Variants in MARK1 observed in about 807,000 individuals in gnomAD.
The protein encoded by MARK1 is microtubule affinity regulating kinase 1, also known as serine/threonine-protein kinase MARK1.
In MARK1, 40 loss-of-function variants were observed where a neutral mutation model predicts 96.3. The observed-to-expected ratio is 0.42, with a 90% CI of 0.32 to 0.54. The LOEUF (loss-of-function observed/expected upper bound fraction) is 0.54. Among genes scored for constraint, MARK1 ranks in the 20% least tolerant of loss-of-function variants. The pLI is 0.16. For synonymous variants in MARK1, 317 were observed against 341.2 expected (o/e 0.93, Z 0.78); for missense variants, 719 against 984.6 (o/e 0.73, Z 3.61).
intron 13 of MARK1, among the ~76,000 whole-genome samples, chr1:220,644,009 A>C (rs1572224647): frequency 6.6e-6 from 1 of 152,292 alleles, no homozygotes; most frequent in South Asian, 2.1e-4. Context: ...AACTACGTTA[A>C]CAAGTCTGCA....
intron 3 of MARK1, among the ~76,000 whole-genome samples, chr1:220,581,526 G>A (rs1388276466): frequency 2.0e-5 from 3 of 152,204 alleles, no homozygotes; most frequent in Middle Eastern, 3.4e-3. Flanking sequence ...ATGACAAATG[G>A]TGGTGACCTA....
intron 1 of MARK1, among the ~76,000 whole-genome samples, chr1:220,548,835 G>A (rs1472639599): frequency 1.3e-5 from 2 of 152,086 alleles, no homozygotes; most frequent in Non-Finnish European, 2.9e-5. Flanking sequence ...TTGCTGTAAC[G>A]TTTTTGTTCT....
chr1:220,595,630 A>G (rs1223260262), intron 3 of MARK1, among the ~76,000 whole-genome samples: 1 of 152,192 alleles, frequency 6.6e-6, no homozygotes, highest in Non-Finnish European at 1.5e-5. Context: ...TCTGGTAGCC[A>G]GTGTTCAAGA....
At chr1:220,605,121 AG>A (rs1665992059) in intron 6 of MARK1, among the ~76,000 whole-genome samples, 1 of 152,172 alleles carries the variant, frequency 6.6e-6, no homozygotes, top group Non-Finnish European at 1.5e-5. Context: ...CCTGAAAGGG[AG>A]GGGAGGAAAA....
At chr1:220,583,609 A>AT (rs755090667) in intron 3 of MARK1, among the ~76,000 whole-genome samples, 1 of 150,832 alleles carries the variant, frequency 6.6e-6, no homozygotes, top group Non-Finnish European at 1.5e-5. Flanking sequence ...AGAATAATGT[A>AT]TTTTAGAAGA....
At chr1:220,545,535 C>T (rs1661432157) in intron 1 of MARK1, among the ~76,000 whole-genome samples, 1 of 136,240 alleles carries the variant, frequency 7.3e-6, no homozygotes, top group Admixed American at 8.5e-5. Flanking sequence ...CTTCCGGGTT[C>T]AATCAATCCA....
intron 12 of MARK1, 30 bp from the exon 13 acceptor site, chr1:220,635,803 C>T: frequency 6.7e-7 from 1 of 1,500,152 alleles, no homozygotes; most frequent in Non-Finnish European, 9.0e-7. Flanking sequence ...TGTTTTTCAG[C>T]TCATTATGCT....
At chr1:220,607,899 G>A (rs1294899520) in intron 6 of MARK1, among the ~76,000 whole-genome samples, 1 of 152,192 alleles carries the variant, frequency 6.6e-6, no homozygotes, top group Non-Finnish European at 1.5e-5. Context: ...TCCCAGGGAT[G>A]AAGCTGACTG....
intron 16 of MARK1, among the ~76,000 whole-genome samples, chr1:220,655,733 C>G (rs1430886533): frequency 6.6e-6 from 1 of 152,202 alleles, no homozygotes; most frequent in Non-Finnish European, 1.5e-5. Flanking sequence ...TCTGTTTCAG[C>G]AGTGTCATGT....
At chr1:220,591,550 A>T (rs1218704770) in intron 3 of MARK1, among the ~76,000 whole-genome samples, 2 of 152,202 alleles carry the variant, frequency 1.3e-5, no homozygotes, top group Non-Finnish European at 2.9e-5. Context: ...ACTTCCTAGT[A>T]CACAGGAAAT....
intron 5 of MARK1, among the ~76,000 whole-genome samples, chr1:220,602,349 A>G (rs1285051639): frequency 6.6e-6 from 1 of 152,208 alleles, no homozygotes; most frequent in Non-Finnish European, 1.5e-5. Context: ...CATTTATAAA[A>G]TGCTTACCAT....
At position 220,618,956 on chromosome 1, in the gene MARK1, C is replaced by T. The variant is rs1316718346; in HGVS notation, c.909+201C>T. The stretch of plus-strand genomic sequence containing the variant: ...AGCTGTCTCTAAAAACTATTATTTC[C>T]TCTTTGTTCTGCAGTGCCGTATTAA... On this transcript the variant is annotated intron_variant, in intron 9 of 17. Transcript: ENST00000366917. This position sits in a 1 kb window ranked among gnomAD's most constrained non-coding sequence, Gnocchi z 4.6. Among the ~76,000 whole-genome samples, 2 of 152,048 alleles carry T rather than the reference C, an allele frequency of 1.3e-5. No homozygotes were observed. The highest frequency in any genetic ancestry group is 2.4e-5 in the African/African-American group (1 of 41,400).
intron 1 of MARK1, among the ~76,000 whole-genome samples, chr1:220,533,847 A>T (rs548027333): frequency 5.2e-4 from 79 of 152,268 alleles, no homozygotes; most frequent in African/African-American, 1.9e-3. Context: ...AGATGTGCGA[A>T]AATTTATCAT....
At chr1:220,660,387 T>C (rs1311388772) in intron 17 of MARK1, among the ~76,000 whole-genome samples, 1 of 152,208 alleles carries the variant, frequency 6.6e-6, no homozygotes, top group African/African-American at 2.4e-5. Context: ...TTGCAGAGCT[T>C]TGGGGACTCA....
Position 220,629,188 on chromosome 1 carries a change from C to T in MARK1, c.910-1847C>T, listed in dbSNP as rs903530163. 5.4e-4 allele frequency among the ~76,000 whole-genome samples: 82 copies of T among 152,072 alleles called. 1 individual carries two copies. The highest frequency in any genetic ancestry group is 2.0e-3 in the African/African-American group (81 of 41,488). ...AAGATGGAGAATGTACTTTACAGGA[C>T]CTGGAAAAAGCAATTAATATATCAG... is the stretch of plus-strand genomic sequence containing the variant. On this transcript the variant is annotated intron_variant, in intron 9 of 17. Coordinates refer to ENST00000366917, the MANE Select transcript of MARK1 (RefSeq NM_018650.5).
chr1:220,644,455 C>T, intron 13 of MARK1, among the ~76,000 whole-genome samples: 1 of 142,266 alleles, frequency 7.0e-6, no homozygotes, highest in Non-Finnish European at 1.6e-5. Context: ...TTAGACCCCC[C>T]CCCCCCCACA....
chr1:220,636,152 A>G (rs1667953194), intron 13 of MARK1, 126 bp downstream of exon 13: 1 of 656,140 alleles, frequency 1.5e-6, no homozygotes. Context: ...TTTAAAGAAC[A>G]TGCAAAAGGG....
At chr1:220,583,774 G>A (rs985153428) in intron 3 of MARK1, among the ~76,000 whole-genome samples, 4 of 148,010 alleles carry the variant, frequency 2.7e-5, no homozygotes, top group Non-Finnish European at 4.5e-5. Context: ...TCAGCCTCCT[G>A]AGTAGATGGG....
At chr1:220,595,936 A>G (rs1665306536) in intron 3 of MARK1, among the ~76,000 whole-genome samples, 1 of 152,174 alleles carries the variant, frequency 6.6e-6, no homozygotes, top group Admixed American at 6.5e-5. Flanking sequence ...GGATGATCCT[A>G]AAGTTTCAGT....
Sources: gnomAD v4.1 joint callset for allele counts (sites outside exome capture counted in the v4.1 genomes callset) on GRCh38, gnomAD v4.1.1 for gene constraint, Gnocchi (gnomAD v3.1) non-coding constraint, MANE v1.5 for transcripts, NCBI Gene and HGNC (gene_info 2026-07-23, HGNC 2026-07-21) for gene names.